The following USH2A variants were observed in gnomAD, a reference collection of about 807,000 sequenced individuals.
USH2A encodes the protein Usher syndrome 2A (autosomal recessive, mild).
Under a neutral mutation model 538.9 loss-of-function variants are expected in USH2A, and 443 were observed. The observed-to-expected ratio is 0.82, with a 90% CI of 0.76 to 0.89. The LOEUF (loss-of-function observed/expected upper bound fraction) is 0.89, where lower values mean the gene tolerates loss of function less well. Ranked by LOEUF, USH2A falls within the 40% of genes least tolerant of loss-of-function variation. The probability of loss-of-function intolerance (pLI) is 0.00; values close to 1 mark genes in which losing one functional copy is unlikely to be tolerated. For missense variants in USH2A, 6,633 were observed against 6,324.8 expected (o/e 1.05, Z -1.65); for synonymous variants, 2,413 against 2,273.5 (o/e 1.06, Z -1.75).
chr1:216,021,411 G>A lies in USH2A; in HGVS notation c.6326-20849C>T, dbSNP rs1205160672. 2.0e-5 allele frequency among the ~76,000 whole-genome samples: 3 copies of A among 152,240 alleles called. No homozygotes were observed. In the East Asian group the frequency reaches 5.8e-4, roughly 29 times the overall value. On this transcript the variant is annotated intron_variant, in intron 32 of 71. Transcript: ENST00000307340. ...TGGTTCTCATTCTCTATTGTCTGCT[G>A]CCATGTAAGACATCTCTTGCTCTTC...
chr1:216,140,136 T>C (rs1416381505), intron 21 of USH2A, among the ~76,000 whole-genome samples: 3 of 151,220 alleles, frequency 2.0e-5, no homozygotes. Context: ...GTTTGAAGAG[T>C]ACTTTTATAA....
intron 20 of USH2A, among the ~76,000 whole-genome samples, chr1:216,186,223 T>TA (rs111658512): frequency 0.012 from 1,628 of 139,310 alleles, 22 homozygotes; most frequent in African/African-American, 0.035. Context: ...TAGCAAAGAA[T>TA]AAAAAAAAAA....
In USH2A at chr1:216,416,480, C is replaced by T. The variant is rs150514900; in HGVS notation, c.651+2034G>A. ...AAAATAAATAAAAGAGTGTACAAAT[C>T]GAAAAGGACAAGTTTTCTCTTGATA... On this transcript the variant is annotated intron_variant, in intron 3 of 71. Transcript: ENST00000307340. Among the ~76,000 whole-genome samples, 17 of 152,018 alleles carry T rather than the reference C, an allele frequency of 1.1e-4. No homozygotes were observed. In the East Asian group the frequency reaches 2.7e-3, roughly 24 times the overall value.
At chr1:216,283,701 A>T (rs1419051649) in intron 11 of USH2A, among the ~76,000 whole-genome samples, 1 of 152,230 alleles carries the variant, frequency 6.6e-6, no homozygotes, top group East Asian at 1.9e-4. Flanking sequence ...CTAAACATGT[A>T]TGTAAGGAAA....
chr1:215,886,878 G>A (rs901032664), intron 41 of USH2A, among the ~76,000 whole-genome samples: 1 of 151,584 alleles, frequency 6.6e-6, no homozygotes, highest in African/African-American at 2.4e-5. Flanking sequence ...TTTCTTTTGA[G>A]ATGGAGTCTC....
intron 43 of USH2A, among the ~76,000 whole-genome samples, chr1:215,870,516 C>T (rs1051720828): frequency 6.0e-5 from 9 of 148,784 alleles, no homozygotes; most frequent in Admixed American, 4.1e-4. Flanking sequence ...AGGATGGTCT[C>T]GATCTTCTGA....
chr1:216,279,497 C>T (rs1471833350), intron 11 of USH2A, among the ~76,000 whole-genome samples: 2 of 152,114 alleles, frequency 1.3e-5, no homozygotes, highest in Non-Finnish European at 2.9e-5. Flanking sequence ...AGTGTTCTAA[C>T]TCCTTGGTTA....
intron 32 of USH2A, among the ~76,000 whole-genome samples, chr1:216,037,662 A>G (rs961654105): frequency 1.3e-5 from 2 of 152,076 alleles, no homozygotes; most frequent in Non-Finnish European, 2.9e-5. Context: ...GCACCCACTA[A>G]GTAGAAAGTT....
At chr1:216,292,012 T>C (rs56075797) in intron 10 of USH2A, among the ~76,000 whole-genome samples, 163 bp downstream of exon 10, 2 of 152,332 alleles carry the variant, frequency 1.3e-5, no homozygotes, top group Non-Finnish European at 2.9e-5. Flanking sequence ...TACCTAGTGA[T>C]TTGGAAATAG....
intron 21 of USH2A, among the ~76,000 whole-genome samples, chr1:216,166,733 C>A (rs372454389): frequency 4.6e-5 from 7 of 151,994 alleles, no homozygotes; most frequent in African/African-American, 1.4e-4. Context: ...ATGGTACACA[C>A]GGAAGGAGGA....
At chr1:216,310,574 G>A (rs979077131) in intron 9 of USH2A, among the ~76,000 whole-genome samples, 1 of 151,824 alleles carries the variant, frequency 6.6e-6, no homozygotes, top group Non-Finnish European at 1.5e-5. Context: ...CAAATATTCT[G>A]TCTTCAAGCT....
At chr1:215,734,015 A>T (rs576106825) in intron 60 of USH2A, among the ~76,000 whole-genome samples, 1 of 152,144 alleles carries the variant, frequency 6.6e-6, no homozygotes, top group Non-Finnish European at 1.5e-5. Context: ...TGGCTCCAAC[A>T]CCACACTTGC....
intron 30 of USH2A, among the ~76,000 whole-genome samples, chr1:216,065,480 A>C (rs2031324626): frequency 1.3e-5 from 2 of 152,244 alleles, no homozygotes; most frequent in Non-Finnish European, 2.9e-5. Flanking sequence ...ACAAAAATGC[A>C]AATCAAAATT....
intron 21 of USH2A, among the ~76,000 whole-genome samples, chr1:216,117,791 C>T (rs905204865): frequency 6.7e-6 from 1 of 149,968 alleles, no homozygotes; most frequent in Middle Eastern, 3.5e-3. Flanking sequence ...CACACATACA[C>T]ACACAGACAC....
chr1:216,084,871 A>G lies in USH2A; in HGVS notation c.4994T>C (p.Ile1665Thr), dbSNP rs56222536. The G allele has an allele frequency of 0.13, 206,897 of 1,612,682 alleles. 14,579 individuals carry two copies. Among genetic ancestry groups the G allele is most frequent in the Middle Eastern group, 0.17 (1,017 of 6,048 alleles). Residue 1665 changes from isoleucine (I) to threonine (T), a missense_variant, in exon 25 of 72, where the codon ATC (isoleucine) becomes ACC (threonine). Coordinates refer to ENST00000307340, the MANE Select transcript of USH2A (RefSeq NM_206933.4). ...GAGACAGCCCACAAAACCTTTTTGG[A>G]TTATCTCTGCAGGAGTTTATAGATA... ...YTILRKDPEIIQKGFVGCLKD... is the reference protein window; with the variant it reads ...YTILRKDPEITQKGFVGCLKD...
chr1:216,095,351 T>C (rs1469710498), intron 22 of USH2A, among the ~76,000 whole-genome samples: 1 of 150,732 alleles, frequency 6.6e-6, no homozygotes, highest in Non-Finnish European at 1.5e-5. Context: ...TCTCCTCTAA[T>C]TAATCTACTT....
At chr1:216,124,611 A>G (rs2033211185) in intron 21 of USH2A, among the ~76,000 whole-genome samples, 3 of 152,200 alleles carry the variant, frequency 2.0e-5, no homozygotes, top group African/African-American at 7.2e-5. Flanking sequence ...ATATAAGATC[A>G]AGATAAGAAC....
chr1:216,356,703 A>C (rs1558052417), intron 4 of USH2A, among the ~76,000 whole-genome samples: 1 of 152,020 alleles, frequency 6.6e-6, no homozygotes, highest in Non-Finnish European at 1.5e-5. Flanking sequence ...ATTATAATTT[A>C]TTAAATCAAT....
chr1:215,638,114 G>A (rs1034783050), intron 69 of USH2A, among the ~76,000 whole-genome samples: 1 of 152,060 alleles, frequency 6.6e-6, no homozygotes, highest in African/African-American at 2.4e-5. Context: ...ATCATTCTAG[G>A]CTTTGAATCT....
Sources: allele counts gnomAD v4.1 joint callset (sites outside exome capture counted in the v4.1 genomes callset), GRCh38; gene constraint gnomAD v4.1.1; transcripts MANE v1.5; gene names NCBI Gene and HGNC (gene_info 2026-07-23, HGNC 2026-07-21).